PIK3C2G: variants seen among roughly 807,000 people sequenced by gnomAD.
The protein encoded by PIK3C2G is phosphatidylinositol-4-phosphate 3-kinase catalytic subunit type 2 gamma.
PIK3C2G carries 168 observed loss-of-function variants against 181.1 expected under a neutral mutation model. The observed-to-expected ratio is 0.93, with a 90% CI of 0.82 to 1.05. PIK3C2G has a LOEUF of 1.05. Among genes scored for constraint, PIK3C2G ranks in the 50% least tolerant of loss-of-function variants. The probability of loss-of-function intolerance (pLI) is 0.00; values close to 1 mark genes in which losing one functional copy is unlikely to be tolerated. For missense variants in PIK3C2G, 1,869 were observed against 1,732.8 expected (o/e 1.08, Z -1.40); for synonymous variants, 573 against 592.2 (o/e 0.97, Z 0.47).
chr12:18,321,994 C>G (rs552211651), intron 7 of PIK3C2G, among the ~76,000 whole-genome samples: 3 of 152,266 alleles, frequency 2.0e-5, no homozygotes, highest in South Asian at 4.1e-4. Flanking sequence ...GGCTCAATAC[C>G]TAGGTGATGG....
At chr12:18,516,639 C>G (rs1942566471) in intron 24 of PIK3C2G, among the ~76,000 whole-genome samples, 1 of 151,894 alleles carries the variant, frequency 6.6e-6, no homozygotes, top group Non-Finnish European at 1.5e-5. Context: ...GCCCATAATT[C>G]CCATAGGTCT....
At chr12:18,251,673 G>A (rs1193814869) in intron 1 of PIK3C2G, among the ~76,000 whole-genome samples, 1 of 151,918 alleles carries the variant, frequency 6.6e-6, no homozygotes. Flanking sequence ...TGTTTTTCTT[G>A]AAATACGTAG....
At chr12:18,637,314 A>G (rs1234798725) in intron 31 of PIK3C2G, among the ~76,000 whole-genome samples, 2 of 152,102 alleles carry the variant, frequency 1.3e-5, no homozygotes, top group Non-Finnish European at 2.9e-5. Flanking sequence ...TGGATCTGTA[A>G]GCTGACTCAA....
intron 31 of PIK3C2G, among the ~76,000 whole-genome samples, chr12:18,617,628 A>G (rs912318219): frequency 1.3e-5 from 2 of 152,206 alleles, no homozygotes; most frequent in South Asian, 4.2e-4. Flanking sequence ...TTTTTCTGCT[A>G]TGTACCTCTA....
chr12:18,574,914 TA>T (rs982443534), intron 29 of PIK3C2G, among the ~76,000 whole-genome samples: 19 of 151,918 alleles, frequency 1.3e-4, no homozygotes, highest in African/African-American at 2.7e-4. Context: ...TCAGTACATA[TA>T]AAAAAAACTT....
At position 18,334,027 on chromosome 12, in the gene PIK3C2G, T is replaced by C. The variant is rs150563525; in HGVS notation, c.1273-4399T>C. 2.4e-4 allele frequency among the ~76,000 whole-genome samples: 37 copies of C among 152,248 alleles called. 1 individual carries two copies. The highest frequency in any genetic ancestry group is 8.7e-4 in the African/African-American group (36 of 41,550). On this transcript the variant is annotated intron_variant, in intron 8 of 32. Coordinates refer to ENST00000538779, the MANE Select transcript of PIK3C2G (RefSeq NM_001288772.2). ...GTATGATTAATTAATTCTAAAGTAT[T>C]AGCATATGGCTCCTTCAAAGTCCGG...
At chr12:18,485,090 G>A (rs1313248670) in intron 18 of PIK3C2G, among the ~76,000 whole-genome samples, 6 of 152,116 alleles carry the variant, frequency 3.9e-5, no homozygotes, top group African/African-American at 7.2e-5. Flanking sequence ...AAATACACAC[G>A]TGAGTAAAAT....
intron 28 of PIK3C2G, among the ~76,000 whole-genome samples, chr12:18,564,037 T>C (rs1431065233): frequency 1.3e-5 from 2 of 150,136 alleles, no homozygotes; most frequent in African/African-American, 5.0e-5. Flanking sequence ...CTAACTCATT[T>C]TGTGCCATTG....
At chr12:18,648,779 C>T (rs1430753714), downstream of PIK3C2G, among the ~76,000 whole-genome samples, 2 of 152,130 alleles carry the variant, frequency 1.3e-5, no homozygotes, top group East Asian at 1.9e-4. Context: ...TTCGTAGTCA[C>T]CATTACCAGG....
intron 31 of PIK3C2G, among the ~76,000 whole-genome samples, chr12:18,616,188 T>A (rs2136638615): frequency 6.6e-6 from 1 of 152,254 alleles, no homozygotes; most frequent in East Asian, 1.9e-4. Flanking sequence ...TATTTGATAT[T>A]CACTGACTTA....
At chr12:18,674,127 A>G in the PIK3C2G span, among the ~76,000 whole-genome samples, 21 of 152,354 alleles carry the variant, frequency 1.4e-4, no homozygotes, top group African/African-American at 4.8e-4. Context: ...AAAGAATATT[A>G]GAGGGAAAAG....
At chr12:18,398,774 A>G (rs1235844661) in intron 15 of PIK3C2G, among the ~76,000 whole-genome samples, 1 of 152,242 alleles carries the variant, frequency 6.6e-6, no homozygotes, top group Admixed American at 6.5e-5. Context: ...CAAACTTCCC[A>G]TGAACTCTGA....
At chr12:18,451,848 G>A (rs763436095) in intron 18 of PIK3C2G, among the ~76,000 whole-genome samples, 12 of 152,114 alleles carry the variant, frequency 7.9e-5, no homozygotes, top group Admixed American at 2.6e-4. Flanking sequence ...TTTGTCATTG[G>A]CTCTGTTTAT....
At chr12:18,286,216 C>T (rs550353143) in intron 2 of PIK3C2G, among the ~76,000 whole-genome samples, 1 of 152,146 alleles carries the variant, frequency 6.6e-6, no homozygotes, top group South Asian at 2.1e-4. Flanking sequence ...ACTGACCAAG[C>T]TATTCATTCA....
At chr12:18,711,760 C>T in the PIK3C2G span, among the ~76,000 whole-genome samples, 2 of 151,820 alleles carry the variant, frequency 1.3e-5, no homozygotes, top group Admixed American at 1.3e-4. Context: ...TATGCCTATT[C>T]ATATCCAAGT....
At chr12:18,284,407 A>C (rs1168386747) in intron 2 of PIK3C2G, among the ~76,000 whole-genome samples, 1 of 152,122 alleles carries the variant, frequency 6.6e-6, no homozygotes, top group East Asian at 1.9e-4. Context: ...CTGCCTGCCA[A>C]TGAAAAAAAA....
intron 28 of PIK3C2G, among the ~76,000 whole-genome samples, chr12:18,564,275 AG>A (rs1945500100): frequency 6.6e-6 from 1 of 152,122 alleles, no homozygotes; most frequent in East Asian, 1.9e-4. Flanking sequence ...TCTATAAAAA[AG>A]GTGTATCTTG....
intron 22 of PIK3C2G, among the ~76,000 whole-genome samples, chr12:18,500,427 C>T (rs1234604595): frequency 6.6e-6 from 1 of 152,192 alleles, no homozygotes; most frequent in African/African-American, 2.4e-5. Flanking sequence ...TGAGCCTCCC[C>T]AAGCCTCCAT....
intron 5 of PIK3C2G, among the ~76,000 whole-genome samples, chr12:18,313,323 T>C (rs1386554403): frequency 2.0e-5 from 3 of 152,210 alleles, no homozygotes; most frequent in Non-Finnish European, 4.4e-5. Flanking sequence ...ACAGTGCCAG[T>C]AGAAATTTCT....
Sources: allele counts gnomAD v4.1 joint callset (sites outside exome capture counted in the v4.1 genomes callset), GRCh38; gene constraint gnomAD v4.1.1; transcripts MANE v1.5; gene names NCBI Gene and HGNC (gene_info 2026-07-23, HGNC 2026-07-21).